Variants in IQSEC1 observed in about 807,000 individuals in gnomAD.
IQSEC1 encodes the protein IQ motif and SEC7 domain-containing protein 1.
Under a neutral mutation model 91.0 loss-of-function variants are expected in IQSEC1, and 31 were observed. The ratio of observed to expected loss-of-function variants is 0.34; its 90% CI spans 0.26 to 0.46. IQSEC1 has a LOEUF of 0.46. Ranked by LOEUF, IQSEC1 falls within the 20% of genes least tolerant of loss-of-function variation. The pLI is 1.00. For missense variants in IQSEC1, 1,388 were observed against 1,575.6 expected (o/e 0.88, Z 2.02); for synonymous variants, 699 against 662.6 (o/e 1.05, Z -0.84).
In IQSEC1 at chr3:13,134,612, G is replaced by T. The variant is rs1035026349; in HGVS notation, c.302+29492C>A. ...TGCTTTCTAGCCTCATGCGGGTGAT[G>T]ATGTTTGTCAACAATACCTTGACTT... On this transcript the variant is annotated intron_variant, in intron 2 of 15. Coordinates refer to the IQSEC1 transcript ENST00000648114. Among the ~76,000 whole-genome samples the T allele has an allele frequency of 3.3e-5, 5 of 152,354 alleles. No homozygotes were observed. The East Asian group carries it at 7.7e-4, about 24-fold the overall frequency.
chr3:13,109,424 A>T (rs1302833712), intron 2 of IQSEC1, among the ~76,000 whole-genome samples: 1 of 151,844 alleles, frequency 6.6e-6, no homozygotes, highest in Non-Finnish European at 1.5e-5. Flanking sequence ...AAGCTCTGCC[A>T]CTCCCCGGGT....
At chr3:13,014,766 T>C (rs577210752) in intron 1 of IQSEC1, among the ~76,000 whole-genome samples, 26 of 152,240 alleles carry the variant, frequency 1.7e-4, no homozygotes, top group African/African-American at 6.3e-4. Flanking sequence ...GCTCAGGGGT[T>C]ACAGCTCAGA....
chr3:12,941,069 G>C (rs1305784328), intron 2 of IQSEC1, among the ~76,000 whole-genome samples: 3 of 152,218 alleles, frequency 2.0e-5, no homozygotes, highest in Admixed American at 6.5e-5. Context: ...AGGAGGAATA[G>C]AGCAAGCAGC....
chr3:13,219,069 A>G (rs1694603723), intron 1 of IQSEC1, among the ~76,000 whole-genome samples: 1 of 152,144 alleles, frequency 6.6e-6, no homozygotes, highest in African/African-American at 2.4e-5. Flanking sequence ...CTCCCAGCGG[A>G]TCTGGCAGCT....
intron 2 of IQSEC1, among the ~76,000 whole-genome samples, chr3:13,162,660 CCTTT>C (rs1387735407): frequency 6.6e-6 from 1 of 152,150 alleles, no homozygotes; most frequent in African/African-American, 2.4e-5. Flanking sequence ...TTACACCTGC[CCTTT>C]CTTACCCAAA....
chr3:13,245,765 T>G (rs1212745031), intron 1 of IQSEC1, among the ~76,000 whole-genome samples: 1 of 106,564 alleles, frequency 9.4e-6, no homozygotes, highest in African/African-American at 6.0e-5. Context: ...AGACCCTGTT[T>G]CAAAAAAAAA....
At position 12,905,779 on chromosome 3, in the gene IQSEC1, C is replaced by T. The variant is rs3773316; in HGVS notation, c.2755+2570G>A. Among the ~76,000 whole-genome samples, 238 of 152,360 alleles carry T rather than the reference C, an allele frequency of 1.6e-3. 3 individuals carry two copies. The East Asian group carries it at 0.021, about 13-fold the overall frequency. ...ATGGAGACTGCTGCAGGCAGGTCCT[C>T]TCCGTAAGGACTCAGAGCTGGGCAG... is the stretch of plus-strand genomic sequence containing the variant. On this transcript the variant is annotated intron_variant, in intron 12 of 13. Transcript: ENST00000613206.
intron 1 of IQSEC1, among the ~76,000 whole-genome samples, chr3:13,039,051 G>C (rs1042922869): frequency 1.3e-5 from 2 of 152,204 alleles, no homozygotes. Context: ...TTGGAAGCTG[G>C]GCGATGGGTA....
chr3:13,130,760 A>G (rs1451221999), intron 2 of IQSEC1, among the ~76,000 whole-genome samples: 1 of 152,042 alleles, frequency 6.6e-6, no homozygotes, highest in Admixed American at 6.6e-5. Flanking sequence ...AACATGGCGA[A>G]ACCCTATCTC....
At chr3:13,183,608 T>C (rs1418990866) in intron 1 of IQSEC1, among the ~76,000 whole-genome samples, 1 of 152,040 alleles carries the variant, frequency 6.6e-6, no homozygotes, top group Non-Finnish European at 1.5e-5. Context: ...GAAAAATCAA[T>C]TAGGCTAAAT....
Position 12,899,399 on chromosome 3 carries a change from C to G in IQSEC1, c.*1584G>C. 1.2e-6 allele frequency: 2 copies of G among 1,613,126 alleles called. No homozygotes were observed. The highest frequency in any genetic ancestry group is 1.1e-5 in the South Asian group (1 of 91,016). On this transcript the variant is annotated 3_prime_UTR_variant, in exon 14 of 14. Coordinates refer to ENST00000613206, the MANE Select transcript of IQSEC1 (RefSeq NM_001134382.3). ...CCTCGGGTCCCATGGCTTAGGAGCA[C>G]AGCACTGACGGCTGCAGTGGCTCGA...
In IQSEC1 at chr3:12,990,758, A is replaced by T. The variant is rs190364589; in HGVS notation, c.24-48893T>A. ...AGGACAATCAATGGTGCAGCATCCT[A>T]CATCATTCCAGCTGGCCTGTGGGAT... On this transcript the variant is annotated intron_variant, in intron 1 of 13. Transcript: ENST00000613206. Among the ~76,000 whole-genome samples the T allele has an allele frequency of 4.1e-4, 63 of 152,334 alleles. 1 individual carries two copies. Among genetic ancestry groups the T allele is most frequent in the African/African-American group, 1.4e-3 (60 of 41,578 alleles).
chr3:13,137,676 G>C (rs535764299), intron 2 of IQSEC1, among the ~76,000 whole-genome samples: 1 of 152,272 alleles, frequency 6.6e-6, no homozygotes, highest in East Asian at 1.9e-4. Context: ...AATGCACAAA[G>C]AAGGGGCACA....
At chr3:12,907,305 A>G (rs1366393968) in intron 12 of IQSEC1, among the ~76,000 whole-genome samples, 1 of 152,190 alleles carries the variant, frequency 6.6e-6, no homozygotes, top group Non-Finnish European at 1.5e-5. Flanking sequence ...AGCTGAGGGG[A>G]GGCAAGGCTG....
intron 2 of IQSEC1, among the ~76,000 whole-genome samples, chr3:13,082,826 G>A (rs977400140): frequency 8.5e-5 from 13 of 152,102 alleles, no homozygotes; most frequent in African/African-American, 2.9e-4. Context: ...GCCATGCCCC[G>A]ACTCATGCCA....
chr3:12,902,893 C>T (rs1028667059), intron 12 of IQSEC1, 71 bp from the exon 13 acceptor site: 56 of 1,158,450 alleles, frequency 4.8e-5, no homozygotes, highest in East Asian at 9.6e-5. Context: ...CCTGGTGCCA[C>T]GCTGCTGCCA....
chr3:13,263,976 C>T (rs373837973), intron 1 of IQSEC1, among the ~76,000 whole-genome samples: 5 of 152,250 alleles, frequency 3.3e-5, no homozygotes, highest in African/African-American at 1.2e-4. Flanking sequence ...TGCGCCTGTC[C>T]GCCTGGGCTT....
rs770515130 is a variant in IQSEC1, at chr3:12,979,227, T to G, written c.24-37362A>C. Reference sequence around the variant, plus strand: ...AGCCTCACTAAGCATAAATTGAATTTTCCCATGAAAATAAATCAACAAAAA... The same window carrying G: ...AGCCTCACTAAGCATAAATTGAATTGTCCCATGAAAATAAATCAACAAAAA... On this transcript the variant is annotated intron_variant, in intron 1 of 13. Transcript: ENST00000613206. The surrounding 1 kb of genome is among the most constrained non-coding windows in gnomAD (Gnocchi z 4.3). 3.9e-5 allele frequency among the ~76,000 whole-genome samples: 6 copies of G among 152,214 alleles called. No individual in the cohort carries two copies. Among genetic ancestry groups the G allele is most frequent in the Non-Finnish European group, 7.3e-5 (5 of 68,038 alleles).
chr3:12,942,873 C>T (rs1559654834), intron 1 of IQSEC1, among the ~76,000 whole-genome samples: 1 of 152,150 alleles, frequency 6.6e-6, no homozygotes, highest in Non-Finnish European at 1.5e-5. Context: ...TGCGAGGACC[C>T]GAGGAGGAGA....
Sources: gnomAD v4.1 joint callset for allele counts (sites outside exome capture counted in the v4.1 genomes callset) on GRCh38, gnomAD v4.1.1 for gene constraint, Gnocchi (gnomAD v3.1) non-coding constraint, MANE v1.5 for transcripts, NCBI Gene and HGNC (gene_info 2026-07-23, HGNC 2026-07-21) for gene names.